The following NEK11 variants were observed in gnomAD, a reference collection of about 807,000 sequenced individuals.
The protein encoded by NEK11 is NIMA related kinase 11.
Under a neutral mutation model 80.7 loss-of-function variants are expected in NEK11, and 72 were observed. That is an observed-to-expected ratio of 0.89 (90% confidence interval 0.74 to 1.08). The LOEUF (loss-of-function observed/expected upper bound fraction) is 1.08, where lower values mean the gene tolerates loss of function less well. Ranked by LOEUF, NEK11 falls within the 50% of genes least tolerant of loss-of-function variation. The pLI is 0.00. For synonymous variants in NEK11, 251 were observed against 260.7 expected, an observed-to-expected ratio of 0.96 and a Z score of 0.36; for missense variants, 764 against 763.6, an observed-to-expected ratio of 1.00 and a Z score of -0.01.
intron 3 of NEK11, among the ~76,000 whole-genome samples, chr3:131,075,075 G>A (rs1286051956): frequency 6.6e-6 from 1 of 152,110 alleles, no homozygotes; most frequent in African/African-American, 2.4e-5. Flanking sequence ...GGCACCTACA[G>A]TTTGCCATTC....
At chr3:131,349,466 A>G in intron 17 of NEK11, 91 bp from the exon 18 acceptor site, 2 of 1,079,260 alleles carry the variant, frequency 1.9e-6, no homozygotes, top group Non-Finnish European at 2.7e-6. Flanking sequence ...CAGAATGACA[A>G]TGTTTGTAAA....
At chr3:131,122,952 C>T (rs2082650287) in intron 5 of NEK11, among the ~76,000 whole-genome samples, 1 of 152,176 alleles carries the variant, frequency 6.6e-6, no homozygotes, top group Non-Finnish European at 1.5e-5. Context: ...GGACCCACCA[C>T]TTGAACAGAT....
intron 15 of NEK11, among the ~76,000 whole-genome samples, chr3:131,229,062 A>C (rs1192318794): frequency 3.9e-5 from 6 of 152,152 alleles, no homozygotes; most frequent in African/African-American, 1.4e-4. Flanking sequence ...TCTGGTAATC[A>C]TATTTTGGGG....
rs193025668 is a variant in NEK11 at position 131,220,756 on chromosome 3, T to C, written c.1400-7772T>C. On this transcript the variant is annotated intron_variant, in intron 14 of 17. Transcript: ENST00000383366. The stretch of plus-strand genomic sequence containing the variant: ...TTTAATGCTGAACTATGATTAGATA[T>C]GCAGAGAGAGGCAGGGTGTCCGGGG... Among the ~76,000 whole-genome samples the C allele has an allele frequency of 6.6e-5, 10 of 152,298 alleles. No homozygotes were observed. The East Asian group carries it at 1.2e-3, about 18-fold the overall frequency.
At chr3:131,239,901 T>C (rs558434811) in intron 15 of NEK11, among the ~76,000 whole-genome samples, 1 of 152,294 alleles carries the variant, frequency 6.6e-6, no homozygotes, top group Admixed American at 6.5e-5. Flanking sequence ...TATATAGTTA[T>C]CATTTTACAG....
chr3:131,188,753 T>C (rs2093684997), intron 14 of NEK11, among the ~76,000 whole-genome samples: 1 of 152,084 alleles, frequency 6.6e-6, no homozygotes, highest in Non-Finnish European at 1.5e-5. Flanking sequence ...GGGAATCCAG[T>C]AGTGAGCAAG....
chr3:131,337,511 T>A (rs2097206154), intron 17 of NEK11, among the ~76,000 whole-genome samples: 1 of 151,960 alleles, frequency 6.6e-6, no homozygotes, highest in Non-Finnish European at 1.5e-5. Flanking sequence ...CTATACCTAA[T>A]GCTAAATGAC....
chr3:131,281,736 C>G (rs1248650844), intron 17 of NEK11, among the ~76,000 whole-genome samples: 1 of 152,240 alleles, frequency 6.6e-6, no homozygotes, highest in African/African-American at 2.4e-5. Flanking sequence ...TGTTTCCCCA[C>G]AAAGTACGTT....
intron 17 of NEK11, among the ~76,000 whole-genome samples, chr3:131,320,517 G>T (rs925428653): frequency 6.8e-6 from 1 of 147,976 alleles, no homozygotes; most frequent in Admixed American, 6.7e-5. Context: ...TGGGGAAGAG[G>T]AGGGAGAGAG....
intron 14 of NEK11, among the ~76,000 whole-genome samples, chr3:131,224,616 G>A (rs1309759321): frequency 2.6e-5 from 4 of 152,052 alleles, no homozygotes; most frequent in East Asian, 1.9e-4. Context: ...CAGGTCCTTC[G>A]GGAGGTATTT....
intron 3 of NEK11, among the ~76,000 whole-genome samples, chr3:131,063,320 T>C (rs1159637864): frequency 2.0e-5 from 3 of 152,330 alleles, no homozygotes; most frequent in Non-Finnish European, 4.4e-5. Flanking sequence ...CCACTGCATC[T>C]AGCCTGAATG....
intron 14 of NEK11, among the ~76,000 whole-genome samples, chr3:131,199,032 C>T (rs1476531316): frequency 1.3e-5 from 2 of 152,072 alleles, no homozygotes; most frequent in East Asian, 3.9e-4. Flanking sequence ...TTTGCCCCTA[C>T]GTATTTAACC....
chr3:131,162,368 T>C (rs1028473038), intron 10 of NEK11, 40 bp from the exon 11 acceptor site: 33 of 1,596,616 alleles, frequency 2.1e-5, no homozygotes, highest in Non-Finnish European at 2.8e-5. Context: ...CTGAACATGT[T>C]TGGGATGGGC....
chr3:131,238,079 C>T (rs1353828358), intron 15 of NEK11, among the ~76,000 whole-genome samples: 2 of 152,148 alleles, frequency 1.3e-5, no homozygotes, highest in Admixed American at 1.3e-4. Context: ...CCAAGCATGT[C>T]CCTGGCTTTG....
chr3:131,313,396 AC>A (rs1446250799), intron 17 of NEK11, among the ~76,000 whole-genome samples: 1 of 152,152 alleles, frequency 6.6e-6, no homozygotes, highest in Admixed American at 6.5e-5. Flanking sequence ...GAATCTCCAC[AC>A]TGCTTTCCAC....
chr3:131,260,012 C>T (rs2108457606), intron 16 of NEK11, among the ~76,000 whole-genome samples: 1 of 152,200 alleles, frequency 6.6e-6, no homozygotes, highest in African/African-American at 2.4e-5. Flanking sequence ...AAATCTTCAC[C>T]AAGTTTGTGT....
At chr3:131,108,855 G>A (rs1408598969) in intron 4 of NEK11, among the ~76,000 whole-genome samples, 2 of 151,962 alleles carry the variant, frequency 1.3e-5, no homozygotes, top group Non-Finnish European at 1.5e-5. Context: ...ATCCCAATGC[G>A]CATGGTACCC....
intron 17 of NEK11, among the ~76,000 whole-genome samples, chr3:131,298,208 A>C (rs1448540651): frequency 6.7e-6 from 1 of 149,536 alleles, no homozygotes; most frequent in South Asian, 2.1e-4. Flanking sequence ...GAAGAAAGTC[A>C]TTGGTAGCTT....
chr3:131,201,112 G>A (rs2094209872), intron 14 of NEK11, among the ~76,000 whole-genome samples: 1 of 151,564 alleles, frequency 6.6e-6, no homozygotes, highest in East Asian at 1.9e-4. Flanking sequence ...AGATATGAAA[G>A]ATTCCCTAAG....
Sources: gnomAD v4.1 joint callset for allele counts (sites outside exome capture counted in the v4.1 genomes callset) on GRCh38, gnomAD v4.1.1 for gene constraint, MANE v1.5 for transcripts, NCBI Gene and HGNC (gene_info 2026-07-23, HGNC 2026-07-21) for gene names.